Variants in GALNT7 observed in about 807,000 individuals in gnomAD.
GALNT7 encodes the protein N-acetylgalactosaminyltransferase 7.
Under a neutral mutation model 82.1 loss-of-function variants are expected in GALNT7, and 60 were observed. That is an observed-to-expected ratio of 0.73 (90% confidence interval 0.59 to 0.91). The LOEUF is 0.91. Ranked by LOEUF, GALNT7 falls within the 40% of genes least tolerant of loss-of-function variation. The pLI is 0.00. For synonymous variants in GALNT7, 243 were observed against 275.1 expected (o/e 0.88, Z 1.15); for missense variants, 660 against 804.2 (o/e 0.82, Z 2.17).
At chr4:173,310,882 C>T (rs1419230722) in intron 8 of GALNT7, among the ~76,000 whole-genome samples, 1 of 152,118 alleles carries the variant, frequency 6.6e-6, no homozygotes, top group East Asian at 1.9e-4. Context: ...ATTATAGGTG[C>T]GCACCACCAC....
Position 173,323,321 on chromosome 4 carries a change from C to T in GALNT7, c.*1604C>T, listed in dbSNP as rs924600069. 1 of 152,628 alleles carries T rather than the reference C, an allele frequency of 6.6e-6. No individual in the cohort carries two copies. The highest frequency in any genetic ancestry group is 6.5e-5 in the Admixed American group (1 of 15,274). 9.5% of individuals were successfully genotyped at this position (152,628 alleles called of 1,614,324 possible). On this transcript the variant is annotated 3_prime_UTR_variant, in exon 12 of 12. Transcript: ENST00000265000. ...CAAGCTTAGCTCTTAAATTTGGAGACTCAAAGTTAAACATCCTCAACAGAG... is the reference window on the plus strand; with the variant it reads ...CAAGCTTAGCTCTTAAATTTGGAGATTCAAAGTTAAACATCCTCAACAGAG...
intron 1 of GALNT7, among the ~76,000 whole-genome samples, chr4:173,200,402 C>A (rs1732908823): frequency 6.6e-6 from 1 of 151,826 alleles, no homozygotes. Flanking sequence ...GTTCTAAGAC[C>A]ACTTTGTTCT....
At chr4:173,209,707 C>T (rs987433096) in intron 1 of GALNT7, among the ~76,000 whole-genome samples, 7 of 151,724 alleles carry the variant, frequency 4.6e-5, no homozygotes, top group Non-Finnish European at 1.5e-5. Context: ...CAGGCCATTT[C>T]GTCAGGCTCC....
intron 1 of GALNT7, among the ~76,000 whole-genome samples, chr4:173,185,387 TG>T (rs1231488209): frequency 2.0e-5 from 3 of 146,954 alleles, no homozygotes; most frequent in Non-Finnish European, 4.5e-5. Context: ...AACTTACTAC[TG>T]GGAGTGAAGA....
chr4:173,258,975 G>C (rs1480009323), intron 2 of GALNT7, among the ~76,000 whole-genome samples: 1 of 152,222 alleles, frequency 6.6e-6, no homozygotes, highest in African/African-American at 2.4e-5. Flanking sequence ...TTTGTTGACA[G>C]TTCTTTGTCC....
rs575987656 is a variant in GALNT7, at chr4:173,212,326, A to G, written c.127-35654A>G. Among the ~76,000 whole-genome samples, 24 of 152,348 alleles carry G rather than the reference A, an allele frequency of 1.6e-4. No individual in the cohort carries two copies. The East Asian group carries it at 4.6e-3, about 29-fold the overall frequency. The stretch of plus-strand genomic sequence containing the variant: ...AAATCAACTTAAGTCTACAAAAGTC[A>G]CAAGTAATTAACAAGCCTGTTAAAT... On this transcript the variant is annotated intron_variant, in intron 1 of 11. Transcript: ENST00000265000.
intron 2 of GALNT7, among the ~76,000 whole-genome samples, chr4:173,253,342 G>A (rs1579957492): frequency 6.6e-6 from 1 of 152,174 alleles, no homozygotes; most frequent in East Asian, 1.9e-4. Flanking sequence ...CTTGGATCTG[G>A]AGGTATGTGG....
chr4:173,244,816 T>C (rs1311850719), intron 1 of GALNT7, among the ~76,000 whole-genome samples: 1 of 152,058 alleles, frequency 6.6e-6, no homozygotes, highest in Non-Finnish European at 1.5e-5. Context: ...TAATTGGATG[T>C]CAGAAGGGTA....
intron 1 of GALNT7, among the ~76,000 whole-genome samples, chr4:173,169,906 AGCGGCGGCGCGGAGCTC>A (rs1731798135): frequency 1.3e-5 from 2 of 151,836 alleles, no homozygotes; most frequent in African/African-American, 4.8e-5. Flanking sequence ...CGCCGAGGGG[AGCGGCGGCGCGGAGCTC>A]GCGGCGGCTC....
intron 2 of GALNT7, among the ~76,000 whole-genome samples, chr4:173,254,975 T>C (rs570206913): frequency 1.3e-4 from 20 of 152,344 alleles, no homozygotes; most frequent in African/African-American, 4.8e-4. Flanking sequence ...CAAAAACATA[T>C]ACACATTGCA....
At chr4:173,192,993 C>G (rs141146509) in intron 1 of GALNT7, among the ~76,000 whole-genome samples, 78 of 152,264 alleles carry the variant, frequency 5.1e-4, no homozygotes, top group Middle Eastern at 3.4e-3. Flanking sequence ...ATGCATCAGT[C>G]ACATACCAGG....
intron 1 of GALNT7, among the ~76,000 whole-genome samples, chr4:173,224,931 T>C (rs1034321498): frequency 1.6e-4 from 24 of 151,556 alleles, no homozygotes; most frequent in Non-Finnish European, 3.2e-4. Context: ...AGGAGAATGG[T>C]GTGAACCCGG....
intron 2 of GALNT7, among the ~76,000 whole-genome samples, chr4:173,284,904 T>G (rs115502372): frequency 0.011 from 1,698 of 152,326 alleles, 33 homozygotes; most frequent in African/African-American, 0.038. Flanking sequence ...TACATACATT[T>G]TTTTGTATGG....
At chr4:173,230,133 T>C (rs1733981324) in intron 1 of GALNT7, among the ~76,000 whole-genome samples, 2 of 152,340 alleles carry the variant, frequency 1.3e-5, no homozygotes, top group South Asian at 4.1e-4. Flanking sequence ...TCAGTGAGAC[T>C]TGCCAGTGTA....
intron 2 of GALNT7, among the ~76,000 whole-genome samples, chr4:173,256,278 A>G (rs1735034014): frequency 6.6e-6 from 1 of 152,240 alleles, no homozygotes; most frequent in Non-Finnish European, 1.5e-5. Context: ...GAAGAAGGCC[A>G]TCCTTGGATC....
intron 1 of GALNT7, among the ~76,000 whole-genome samples, chr4:173,216,508 A>G (rs1579919757): frequency 6.6e-6 from 1 of 151,732 alleles, no homozygotes; most frequent in Non-Finnish European, 1.5e-5. Context: ...TTTTATAAAA[A>G]CTATGGTTGT....
chr4:173,198,313 C>T (rs908877246), intron 1 of GALNT7, among the ~76,000 whole-genome samples: 1 of 151,932 alleles, frequency 6.6e-6, no homozygotes, highest in Non-Finnish European at 1.5e-5. Context: ...CATGATCCGC[C>T]TGCCTCGGTC....
intron 1 of GALNT7, among the ~76,000 whole-genome samples, chr4:173,243,240 A>C (rs1220775214): frequency 6.6e-6 from 1 of 152,220 alleles, no homozygotes; most frequent in South Asian, 2.1e-4. Context: ...AATATTACAT[A>C]TAAGCAGGAT....
intron 1 of GALNT7, among the ~76,000 whole-genome samples, chr4:173,202,598 T>C (rs891604560): frequency 6.6e-6 from 1 of 152,222 alleles, no homozygotes; most frequent in Admixed American, 6.5e-5. Flanking sequence ...CCAGGAAATC[T>C]TATCTGCTCA....
Sources: gnomAD v4.1 joint callset for allele counts (sites outside exome capture counted in the v4.1 genomes callset) on GRCh38, gnomAD v4.1.1 for gene constraint, MANE v1.5 for transcripts, NCBI Gene and HGNC (gene_info 2026-07-23, HGNC 2026-07-21) for gene names.